The following FRYL variants were observed in gnomAD, a reference collection of about 807,000 sequenced individuals.
The protein encoded by FRYL is protein furry homolog-like.
In FRYL, 150 loss-of-function variants were observed where a neutral mutation model predicts 351.2. The ratio of observed to expected loss-of-function variants is 0.43; its 90% CI spans 0.37 to 0.49. The LOEUF is 0.49. Ranked by LOEUF, FRYL falls within the 20% of genes least tolerant of loss-of-function variation. The pLI, the probability that FRYL is intolerant of heterozygous loss-of-function variation, is 0.00. For synonymous variants in FRYL, 1,153 were observed against 1,257.1 expected (o/e 0.92, Z 1.75); for missense variants, 3,036 against 3,619.3 (o/e 0.84, Z 4.13).
At chr4:48,626,788 A>G (rs1454334477) in intron 4 of FRYL, among the ~76,000 whole-genome samples, 1 of 152,040 alleles carries the variant, frequency 6.6e-6, no homozygotes, top group East Asian at 1.9e-4. Context: ...AGTAGTCCCA[A>G]TTTTTTTCTC....
intron 1 of FRYL, among the ~76,000 whole-genome samples, chr4:48,750,304 T>C (rs1354403288): frequency 6.6e-6 from 1 of 151,046 alleles, no homozygotes; most frequent in Non-Finnish European, 1.5e-5. Flanking sequence ...CTACAAAAAA[T>C]ACAAAAATCT....
In FRYL at chr4:48,563,870, C is replaced by T. The variant is rs528355791; in HGVS notation, c.3596+78G>A. The T allele has an allele frequency of 2.7e-6, 4 of 1,486,578 alleles. No individual in the cohort carries two copies. In the South Asian group the frequency reaches 4.0e-5, roughly 15 times the overall value. 92.1% of individuals were successfully genotyped at this position (1,486,578 alleles called of 1,614,324 possible). A position where few individuals can be genotyped will look rare whatever the true frequency, so the allele number is the denominator to read the frequency against. ...GAAGGACAACTAAACTGGTGTCTTC[C>T]TATTTTTGAATTCAAAAGAAAAACT... On this transcript the variant is annotated intron_variant, in intron 31 of 63. Transcript: ENST00000358350.
At chr4:48,662,163 G>A (rs1437181643) in intron 3 of FRYL, among the ~76,000 whole-genome samples, 1 of 152,210 alleles carries the variant, frequency 6.6e-6, no homozygotes, top group East Asian at 1.9e-4. Context: ...ATTGAGGACA[G>A]GCACAGTGGC....
chr4:48,533,378 GCCA>G (rs1488841453), intron 49 of FRYL, among the ~76,000 whole-genome samples: 1 of 151,964 alleles, frequency 6.6e-6, no homozygotes, highest in African/African-American at 2.4e-5. Flanking sequence ...GATAAATAGG[GCCA>G]CCAGAAAATC....
chr4:48,714,552 C>A (rs1244395152), intron 1 of FRYL, among the ~76,000 whole-genome samples: 2 of 149,410 alleles, frequency 1.3e-5, no homozygotes, highest in African/African-American at 2.4e-5. Context: ...GACACATACA[C>A]CCTCCCAAGA....
chr4:48,515,863 C>T (rs926015694), intron 55 of FRYL, among the ~76,000 whole-genome samples: 1 of 152,068 alleles, frequency 6.6e-6, no homozygotes, highest in Admixed American at 6.6e-5. Context: ...TATGTTCTAA[C>T]TCTACACAAG....
chr4:48,521,115 A>G lies in FRYL; in HGVS notation c.7622T>C (p.Leu2541Pro). ...AGTTGGGGTCTCATCCCTGATTTGA[A>G]GCACTTCCTCTGTTGTGATGCTGCC... Reference protein sequence around the residue: ...STGSITTEEVLQIRDETPTLE... With the variant: ...STGSITTEEVPQIRDETPTLE... The change falls in exon 55 of 64, where the codon CTT (leucine) becomes CCT (proline). Residue 2541 changes from leucine to proline, a missense_variant. By Grantham distance (98) the Leu-to-Pro change is moderately conservative. Around this residue, in one of 7 missense-constraint regions of FRYL, gnomAD observed 1,987 missense variants for 2,311.7 expected, o/e 0.86. Transcript: ENST00000358350. 3.7e-6 allele frequency: 6 copies of G among 1,613,870 alleles called. No homozygotes were observed. Among genetic ancestry groups the G allele is most frequent in the Non-Finnish European group, 5.1e-6 (6 of 1,179,812 alleles).
Position 48,779,080 on chromosome 4 carries a change from G to A in FRYL, c.-384+998C>T, listed in dbSNP as rs1402590746. Among the ~76,000 whole-genome samples, 8 of 150,562 alleles carry A rather than the reference G, an allele frequency of 5.3e-5. 3 individuals are homozygous for A. Among genetic ancestry groups the A allele is most frequent in the East Asian group, 2.0e-4 (1 of 4,964 alleles). The stretch of plus-strand genomic sequence containing the variant: ...CATATCATTGCAAATCCACAAAAAT[G>A]CGATTTTAGGTGGCGAGGAACTAAA... On this transcript the variant is annotated intron_variant, in intron 1 of 63. Transcript: ENST00000358350.
intron 2 of FRYL, among the ~76,000 whole-genome samples, chr4:48,699,798 GT>G (rs79243746): frequency 0.41 from 62,690 of 151,830 alleles, 14,219 homozygotes; most frequent in Admixed American, 0.56. Context: ...CCCTGGATCA[GT>G]TTACTGGTGT....
In FRYL at chr4:48,645,124, T is replaced by TTATATATA. The variant is rs36223183; in HGVS notation, c.-80-10642_-80-10635dup. On this transcript the variant is annotated intron_variant, in intron 3 of 63. Transcript: ENST00000358350. ...ATTAAACCAGCAGTGAGCTTTCATT[T>TTATATATA]TATATATATATATATATATATATAT... Among the ~76,000 whole-genome samples, 841 of 105,354 alleles carry TTATATATA rather than the reference T, an allele frequency of 8.0e-3. 52 individuals are homozygous for TTATATATA. Among genetic ancestry groups the TTATATATA allele is most frequent in the Middle Eastern group, 0.011 (2 of 182 alleles). 69.1% of individuals were successfully genotyped at this position (105,354 alleles called of 152,430 possible). A position where few individuals can be genotyped will look rare whatever the true frequency, so the allele number is the denominator to read the frequency against.
chr4:48,511,785 G>T (rs1192202241), intron 57 of FRYL, among the ~76,000 whole-genome samples: 1 of 152,186 alleles, frequency 6.6e-6, no homozygotes, highest in African/African-American at 2.4e-5. Context: ...GCTTCGGTAA[G>T]AAAATGCATT....
rs531380018 is a variant in FRYL, at chr4:48,536,771, G to A, written c.6394-944C>T. On this transcript the variant is annotated intron_variant, in intron 47 of 63. Coordinates refer to ENST00000358350, the MANE Select transcript of FRYL (RefSeq NM_015030.2). Reference sequence around the variant, plus strand: ...GTATGTATTTTTACAACTACCTACAGCATTTGGTAAAGAAACTGTCCTTTT... The same window carrying A: ...GTATGTATTTTTACAACTACCTACAACATTTGGTAAAGAAACTGTCCTTTT... Among the ~76,000 whole-genome samples the A allele has an allele frequency of 2.0e-5, 3 of 152,240 alleles. No individual in the cohort carries two copies. In the East Asian group the frequency reaches 5.8e-4, roughly 29 times the overall value.
At chr4:48,564,900 AT>A in intron 30 of FRYL, 32 bp downstream of exon 30, 1 of 1,189,936 alleles carries the variant, frequency 8.4e-7, no homozygotes, top group Admixed American at 1.8e-5. Context: ...ATGACAACTT[AT>A]TATGAACCTT....
chr4:48,633,959 G>C (rs1183983390), intron 4 of FRYL, among the ~76,000 whole-genome samples: 1 of 152,056 alleles, frequency 6.6e-6, no homozygotes, highest in East Asian at 1.9e-4. Context: ...CATTCTCCAA[G>C]TATGTCTCAC....
chr4:48,507,324 G>T (rs756179799), intron 59 of FRYL, among the ~76,000 whole-genome samples: 6 of 152,140 alleles, frequency 3.9e-5, no homozygotes, highest in Non-Finnish European at 7.3e-5. Context: ...GGTAGTTTGT[G>T]CTCAGAACAC....
intron 22 of FRYL, 45 bp from the exon 23 acceptor site, chr4:48,579,286 T>C: frequency 1.3e-6 from 2 of 1,490,814 alleles, no homozygotes; most frequent in Non-Finnish European, 9.0e-7. Flanking sequence ...TTCAATAACT[T>C]TGAAATTTTA....
chr4:48,741,753 A>C (rs1772104960), intron 1 of FRYL, among the ~76,000 whole-genome samples: 1 of 152,150 alleles, frequency 6.6e-6, no homozygotes, highest in Non-Finnish European at 1.5e-5. Flanking sequence ...ACTTAAGTGC[A>C]TATTACTAAG....
chr4:48,705,388 A>G lies in FRYL; in HGVS notation c.-204+5131T>C, dbSNP rs12331464. Among the ~76,000 whole-genome samples the G allele has an allele frequency of 1.4e-3, 213 of 151,714 alleles. 1 individual carries two copies. Among genetic ancestry groups the G allele is most frequent in the African/African-American group, 5.0e-3 (206 of 41,368 alleles). Reference sequence around the variant, plus strand: ...GAACTGGTTAAATAAACTATGGCACATTCACCCAATGGGTTATTATATAGC... The same window carrying G: ...GAACTGGTTAAATAAACTATGGCACGTTCACCCAATGGGTTATTATATAGC... On this transcript the variant is annotated intron_variant, in intron 2 of 63. Coordinates refer to ENST00000358350, the MANE Select transcript of FRYL (RefSeq NM_015030.2).
rs1737140969 is a variant in FRYL at position 48,567,849 on chromosome 4, T to C, written c.2997-429A>G. ...TTCAGCATAATTAAATATCTATTAG[T>C]CACTTAGTAACATTCTGGGATAGGT... On this transcript the variant is annotated intron_variant, in intron 27 of 63. Coordinates refer to ENST00000358350, the MANE Select transcript of FRYL (RefSeq NM_015030.2). The surrounding 1 kb of genome is among the most constrained non-coding windows in gnomAD (Gnocchi z 4.2). Among the ~76,000 whole-genome samples the C allele has an allele frequency of 6.6e-6, 1 of 152,254 alleles. No homozygotes were observed. Among genetic ancestry groups the C allele is most frequent in the South Asian group, 2.1e-4 (1 of 4,834 alleles).
Sources: gnomAD v4.1 joint callset for allele counts (sites outside exome capture counted in the v4.1 genomes callset) on GRCh38, gnomAD v4.1.1 for gene constraint, gnomAD v4.1.1 regional missense constraint, Gnocchi (gnomAD v3.1) non-coding constraint, MANE v1.5 for transcripts, NCBI Gene and HGNC (gene_info 2026-07-23, HGNC 2026-07-21) for gene names.